Variants in CNTN5 observed in about 807,000 individuals in gnomAD.
The protein encoded by CNTN5 is contactin-5.
Under a neutral mutation model 129.1 loss-of-function variants are expected in CNTN5, and 77 were observed. The ratio of observed to expected loss-of-function variants is 0.60; its 90% CI spans 0.50 to 0.72. The LOEUF (loss-of-function observed/expected upper bound fraction) is 0.72, where lower values mean the gene tolerates loss of function less well. Among genes scored for constraint, CNTN5 ranks in the 30% least tolerant of loss-of-function variants. The pLI, the probability that CNTN5 is intolerant of heterozygous loss-of-function variation, is 0.00. For synonymous variants in CNTN5, 509 were observed against 465.6 expected (o/e 1.09, Z -1.20); for missense variants, 1,478 against 1,328.8 (o/e 1.11, Z -1.75).
At chr11:100,167,463 T>A (rs1947676362) in intron 13 of CNTN5, among the ~76,000 whole-genome samples, 1 of 151,822 alleles carries the variant, frequency 6.6e-6, no homozygotes, top group African/African-American at 2.4e-5. Flanking sequence ...GGGTCAATCC[T>A]CATGTTAGAC....
intron 6 of CNTN5, among the ~76,000 whole-genome samples, chr11:99,896,628 C>G (rs1204060993): frequency 4.6e-5 from 7 of 152,144 alleles, no homozygotes; most frequent in South Asian, 2.1e-4. Flanking sequence ...TTCCTGAGGC[C>G]AGCAACAAAT....
At chr11:100,200,943 C>G (rs1948764112) in intron 15 of CNTN5, among the ~76,000 whole-genome samples, 1 of 151,788 alleles carries the variant, frequency 6.6e-6, no homozygotes, top group African/African-American at 2.4e-5. Context: ...CCATTTCATA[C>G]CTATATAAAC....
intron 3 of CNTN5, among the ~76,000 whole-genome samples, chr11:99,733,053 C>T (rs1199547523): frequency 2.6e-5 from 4 of 152,158 alleles, no homozygotes; most frequent in Admixed American, 6.5e-5. Context: ...TGGCCGGGCG[C>T]GGTGGCTCAC....
intron 23 of CNTN5, among the ~76,000 whole-genome samples, chr11:100,348,456 T>C (rs1045485120): frequency 1.2e-4 from 18 of 152,192 alleles, no homozygotes; most frequent in Middle Eastern, 3.4e-3. Flanking sequence ...TCTTTACCTC[T>C]TAATCCTAAA....
intron 3 of CNTN5, among the ~76,000 whole-genome samples, chr11:99,649,234 T>A (rs1952072789): frequency 6.6e-6 from 1 of 151,790 alleles, no homozygotes; most frequent in Non-Finnish European, 1.5e-5. Context: ...TTATTTCGCA[T>A]GTTTATATAG....
intron 2 of CNTN5, among the ~76,000 whole-genome samples, chr11:99,437,799 G>A: frequency 6.6e-6 from 1 of 151,858 alleles, no homozygotes; most frequent in East Asian, 1.9e-4. Context: ...ATCCAGCCTG[G>A]GCAAAAAAGC....
At chr11:99,577,301 C>T (rs1306618983) in intron 3 of CNTN5, among the ~76,000 whole-genome samples, 2 of 152,134 alleles carry the variant, frequency 1.3e-5, no homozygotes, top group Admixed American at 1.3e-4. Context: ...TTCTTGCCCC[C>T]ATCCCTCTCC....
intron 2 of CNTN5, among the ~76,000 whole-genome samples, chr11:99,440,059 A>G (rs1218622845): frequency 6.6e-6 from 1 of 152,176 alleles, no homozygotes; most frequent in Non-Finnish European, 1.5e-5. Context: ...CTGTGGTTAT[A>G]CTGAGGATTT....
intron 1 of CNTN5, among the ~76,000 whole-genome samples, chr11:99,188,921 T>C (rs1010253725): frequency 6.6e-6 from 1 of 151,740 alleles, no homozygotes; most frequent in African/African-American, 2.4e-5. Context: ...ACTATCATCA[T>C]CATGTTGTAC....
At chr11:99,752,988 A>G (rs144960964) in intron 3 of CNTN5, among the ~76,000 whole-genome samples, 284 of 152,254 alleles carry the variant, frequency 1.9e-3, no homozygotes, top group South Asian at 3.1e-3. Flanking sequence ...CTTTTTGACT[A>G]TAACCTATAG....
intron 1 of CNTN5, among the ~76,000 whole-genome samples, chr11:99,059,821 C>T (rs1864800838): frequency 6.6e-6 from 1 of 151,998 alleles, no homozygotes; most frequent in Non-Finnish European, 1.5e-5. Context: ...TTCTTTTGTA[C>T]ATATGTGATG....
chr11:99,081,491 G>GA (rs1865795352), intron 1 of CNTN5, among the ~76,000 whole-genome samples: 1 of 152,008 alleles, frequency 6.6e-6, no homozygotes, highest in African/African-American at 2.4e-5. Flanking sequence ...TAACTTAGGA[G>GA]AAAAAATAAT....
chr11:99,318,517 T>C (rs1565487236), intron 1 of CNTN5, among the ~76,000 whole-genome samples: 1 of 151,974 alleles, frequency 6.6e-6, no homozygotes, highest in Non-Finnish European at 1.5e-5. Flanking sequence ...CATCACATCA[T>C]AGTAATTTCA....
chr11:99,151,705 A>G (rs1030945045), intron 1 of CNTN5, among the ~76,000 whole-genome samples: 3 of 152,198 alleles, frequency 2.0e-5, no homozygotes, highest in Non-Finnish European at 4.4e-5. Context: ...CATATACACC[A>G]TGGAATACTA....
chr11:100,221,090 T>C (rs937795941), intron 15 of CNTN5, among the ~76,000 whole-genome samples: 3 of 151,974 alleles, frequency 2.0e-5, no homozygotes, highest in African/African-American at 7.3e-5. Context: ...CATTGGAGCA[T>C]AAACAGAGGG....
chr11:99,313,669 GA>G (rs1257742499), intron 1 of CNTN5, among the ~76,000 whole-genome samples: 1 of 151,988 alleles, frequency 6.6e-6, no homozygotes, highest in Non-Finnish European at 1.5e-5. Context: ...TCCTTTACAA[GA>G]AGGATTAATT....
intron 21 of CNTN5, among the ~76,000 whole-genome samples, chr11:100,317,676 A>G (rs958229242): frequency 6.6e-5 from 10 of 152,220 alleles, no homozygotes; most frequent in African/African-American, 2.2e-4. Flanking sequence ...TAATATTTCA[A>G]TTGTTTAACC....
chr11:99,255,100 A>G (rs1011568216), intron 1 of CNTN5, among the ~76,000 whole-genome samples: 27 of 152,060 alleles, frequency 1.8e-4, no homozygotes, highest in Admixed American at 2.0e-4. Context: ...TATTATATAT[A>G]TATTATACTT....
chr11:99,707,124 T>C (rs1246361623), intron 3 of CNTN5, among the ~76,000 whole-genome samples: 1 of 151,526 alleles, frequency 6.6e-6, no homozygotes, highest in Non-Finnish European at 1.5e-5. Context: ...AATACTGCTC[T>C]GTCAGAAGAT....
Sources: gnomAD v4.1 joint callset for allele counts (sites outside exome capture counted in the v4.1 genomes callset) on GRCh38, gnomAD v4.1.1 for gene constraint, MANE v1.5 for transcripts, NCBI Gene and HGNC (gene_info 2026-07-23, HGNC 2026-07-21) for gene names.